ESR1: variants seen among roughly 807,000 people sequenced by gnomAD.
ESR1 encodes the protein estrogen receptor.
Under a neutral mutation model 52.7 loss-of-function variants are expected in ESR1, and 12 were observed. The observed-to-expected ratio is 0.23, with a 90% CI of 0.15 to 0.37. ESR1 has a LOEUF of 0.37. ESR1 is among the 10% of genes least tolerant of loss of function. The pLI, the probability that ESR1 is intolerant of heterozygous loss-of-function variation, is 1.00. For synonymous variants in ESR1, 305 were observed against 316.8 expected (o/e 0.96, Z 0.39); for missense variants, 584 against 779.7 (o/e 0.75, Z 2.99).
intron 2 of ESR1, among the ~76,000 whole-genome samples, chr6:151,754,565 GTTTT>G (rs1263897638): frequency 1.3e-5 from 2 of 152,140 alleles, no homozygotes; most frequent in East Asian, 3.9e-4. Context: ...TCACTTTTCA[GTTTT>G]TATATTATGT....
chr6:152,074,679 G>A (rs1299948019), intron 6 of ESR1, among the ~76,000 whole-genome samples: 1 of 152,214 alleles, frequency 6.6e-6, no homozygotes, highest in African/African-American at 2.4e-5. Context: ...ATCTTCCCAA[G>A]TGGCTGTACC....
chr6:151,711,785 CA>C (rs1389088258), intron 2 of ESR1, among the ~76,000 whole-genome samples: 1 of 152,104 alleles, frequency 6.6e-6, no homozygotes, highest in Non-Finnish European at 1.5e-5. Flanking sequence ...ATTTTTCCCC[CA>C]TTCTGTAGGT....
intron 2 of ESR1, among the ~76,000 whole-genome samples, chr6:151,778,904 C>A (rs1005180575): frequency 1.3e-5 from 2 of 152,046 alleles, no homozygotes; most frequent in Non-Finnish European, 2.9e-5. Flanking sequence ...TTGTGCATAG[C>A]ATACAGAGCA....
At chr6:151,869,543 T>C (rs1790574504) in intron 2 of ESR1, among the ~76,000 whole-genome samples, 1 of 152,176 alleles carries the variant, frequency 6.6e-6, no homozygotes, top group Non-Finnish European at 1.5e-5. Flanking sequence ...CAGCTGTTGG[T>C]TTGATCCTTT....
At chr6:151,673,750 C>T (rs1181741072) in intron 1 of ESR1, among the ~76,000 whole-genome samples, 2 of 152,038 alleles carry the variant, frequency 1.3e-5, no homozygotes, top group Admixed American at 6.6e-5. Context: ...GATGTGGTAG[C>T]GTGCAAATGT....
intron 3 of ESR1, among the ~76,000 whole-genome samples, chr6:151,927,935 G>C (rs974617636): frequency 4.6e-5 from 7 of 152,010 alleles, no homozygotes; most frequent in African/African-American, 1.7e-4. Context: ...TGCTGGCCAG[G>C]TTGGTCTTGA....
At chr6:151,813,959 T>G (rs925628788) in intron 1 of ESR1, among the ~76,000 whole-genome samples, 16 of 152,134 alleles carry the variant, frequency 1.1e-4, no homozygotes, top group Admixed American at 2.6e-4. Context: ...CTCTGCAGTT[T>G]TGTTATTCAG....
At chr6:152,047,986 T>TTGC (rs2046364876) in intron 5 of ESR1, among the ~76,000 whole-genome samples, 3 of 130,400 alleles carry the variant, frequency 2.3e-5, no homozygotes, top group South Asian at 2.6e-4. Flanking sequence ...TTTTTTTTGG[T>TTGC]TTCCAAGACC....
chr6:151,737,184 A>C (rs1332456974), intron 2 of ESR1, among the ~76,000 whole-genome samples: 1 of 152,172 alleles, frequency 6.6e-6, no homozygotes, highest in Non-Finnish European at 1.5e-5. Context: ...TCATTTCCAT[A>C]ATTGAATTTC....
At chr6:151,809,774 A>C (rs1778507791) in intron 1 of ESR1, among the ~76,000 whole-genome samples, 1 of 152,174 alleles carries the variant, frequency 6.6e-6, no homozygotes, top group Non-Finnish European at 1.5e-5. Context: ...AAAGACAAAC[A>C]ATGAACAAAA....
chr6:151,801,264 TATC>T (rs1562417100), upstream of ESR1, among the ~76,000 whole-genome samples: 1 of 152,222 alleles, frequency 6.6e-6, no homozygotes. Flanking sequence ...GGAATTCTTG[TATC>T]ACTCATGGCA....
intron 1 of ESR1, among the ~76,000 whole-genome samples, chr6:151,815,476 G>A (rs546503704): frequency 6.6e-6 from 1 of 152,314 alleles, no homozygotes; most frequent in Admixed American, 6.5e-5. Context: ...TTGAAAGAAT[G>A]GATGGTGGTG....
intron 1 of ESR1, among the ~76,000 whole-genome samples, chr6:151,838,146 T>G (rs1302145492): frequency 6.6e-6 from 1 of 152,194 alleles, no homozygotes; most frequent in East Asian, 1.9e-4. Context: ...ACTGCAGGCA[T>G]GAGCCAATGT....
At chr6:151,902,037 A>G (rs1324950987) in intron 3 of ESR1, among the ~76,000 whole-genome samples, 2 of 152,192 alleles carry the variant, frequency 1.3e-5, no homozygotes, top group Non-Finnish European at 2.9e-5. Flanking sequence ...AATTTTACAT[A>G]ACAAATGCCA....
intron 2 of ESR1, among the ~76,000 whole-genome samples, chr6:151,703,693 C>G (rs1779968205): frequency 6.6e-6 from 1 of 152,102 alleles, no homozygotes; most frequent in Non-Finnish European, 1.5e-5. Flanking sequence ...CTGGCTGAGG[C>G]TGAACAAAGT....
chr6:152,058,648 G>C (rs1348365235), intron 5 of ESR1, among the ~76,000 whole-genome samples: 1 of 151,474 alleles, frequency 6.6e-6, no homozygotes, highest in Non-Finnish European at 1.5e-5. Context: ...TTTCTTTCTA[G>C]AACTTTTCCT....
Position 151,842,622 on chromosome 6 carries a change from G to T in ESR1, c.478G>T (p.Gly160Cys), listed in dbSNP as rs149308960. Residue 160 changes from glycine (G) to cysteine (C), a missense_variant, in exon 2 of 8, where the codon GGT becomes TGT. Coordinates refer to ENST00000206249, the MANE Select transcript of ESR1 (RefSeq NM_000125.4). Reference sequence around the variant, plus strand: ...GCCAAATTCAGATAATCGACGCCAGGGTGGCAGAGAAAGATTGGCCAGTAC... The same window carrying T: ...GCCAAATTCAGATAATCGACGCCAGTGTGGCAGAGAAAGATTGGCCAGTAC... ...YRPNSDNRRQ[G>C]GRERLASTND... 2.0e-3 allele frequency: 3,281 copies of T among 1,613,672 alleles called. 4 individuals carry two copies. Among genetic ancestry groups the T allele is most frequent in the Non-Finnish European group, 2.4e-3 (2,879 of 1,179,862 alleles).
At chr6:151,711,625 T>G (rs1258545822) in intron 2 of ESR1, among the ~76,000 whole-genome samples, 1 of 152,230 alleles carries the variant, frequency 6.6e-6, no homozygotes, top group East Asian at 1.9e-4. Context: ...TGAGCTTTTT[T>G]TCATATGTTT....
chr6:151,775,310 T>C (rs1785866372), intron 2 of ESR1, among the ~76,000 whole-genome samples: 1 of 152,176 alleles, frequency 6.6e-6, no homozygotes, highest in East Asian at 1.9e-4. Context: ...CCGCTCAGTA[T>C]CCCTAATCTG....
Sources: gnomAD v4.1 joint callset for allele counts (sites outside exome capture counted in the v4.1 genomes callset) on GRCh38, gnomAD v4.1.1 for gene constraint, MANE v1.5 for transcripts, NCBI Gene and HGNC (gene_info 2026-07-23, HGNC 2026-07-21) for gene names.